PRPF6: variants seen among roughly 807,000 people sequenced by gnomAD.
PRPF6 encodes the protein pre-mRNA processing factor 6.
In PRPF6, 42 loss-of-function variants were observed where a neutral mutation model predicts 118.3. The observed-to-expected ratio is 0.35, with a 90% CI of 0.28 to 0.46. The LOEUF (loss-of-function observed/expected upper bound fraction) is 0.46. Ranked by LOEUF, PRPF6 falls within the 20% of genes least tolerant of loss-of-function variation. The probability of loss-of-function intolerance (pLI) is 1.00; values close to 1 mark genes in which losing one functional copy is unlikely to be tolerated. For missense variants in PRPF6, 662 were observed against 1,255.7 expected, an observed-to-expected ratio of 0.53 and a Z score of 7.15; for synonymous variants, 481 against 485.1, an observed-to-expected ratio of 0.99 and a Z score of 0.11.
intron 12 of PRPF6, among the ~76,000 whole-genome samples, chr20:64,022,441 G>A (rs752088427): frequency 1.3e-5 from 2 of 152,126 alleles, no homozygotes; most frequent in Non-Finnish European, 2.9e-5. Flanking sequence ...CCGAATAGCC[G>A]GGATTACAGG....
Position 64,029,544 on chromosome 20 carries a change from T to C in PRPF6, c.2546+53T>C, listed in dbSNP as rs1398082720. Reference sequence around the variant, plus strand: ...AACCTCGGGGTCCTAATGGGCTCTTTTTCCAGAGTCTGTCTGCCTCTTCCT... The same window carrying C: ...AACCTCGGGGTCCTAATGGGCTCTTCTTCCAGAGTCTGTCTGCCTCTTCCT... On this transcript the variant is annotated intron_variant, in intron 19 of 20. Coordinates refer to ENST00000266079, the MANE Select transcript of PRPF6 (RefSeq NM_012469.4). This position sits in a 1 kb window ranked among gnomAD's most constrained non-coding sequence, Gnocchi z 4.8. 19 of 1,450,472 alleles carry C rather than the reference T, an allele frequency of 1.3e-5. No individual in the cohort carries two copies. Among genetic ancestry groups the C allele is most frequent in the Non-Finnish European group, 1.7e-5 (18 of 1,032,982 alleles). The allele number at this position is 1,450,472 out of a possible 1,614,324, so 89.9% of individuals were successfully genotyped here. A position where few individuals can be genotyped will look rare whatever the true frequency, so the allele number is the denominator to read the frequency against.
intron 8 of PRPF6, among the ~76,000 whole-genome samples, 196 bp downstream of exon 8, chr20:63,999,955 CTT>C (rs35446612): frequency 6.9e-6 from 1 of 145,800 alleles, no homozygotes; most frequent in Non-Finnish European, 1.5e-5. Context: ...TAATCCACCA[CTT>C]TTTTTTTTTT....
intron 14 of PRPF6, among the ~76,000 whole-genome samples, 159 bp downstream of exon 14, chr20:64,024,852 G>A (rs569770277): frequency 6.6e-6 from 1 of 152,292 alleles, no homozygotes; most frequent in South Asian, 2.1e-4. Context: ...GGGCCGTGAA[G>A]GGGCCCGAGA....
intron 3 of PRPF6, among the ~76,000 whole-genome samples, chr20:63,986,346 A>G (rs1214306957): frequency 7.7e-6 from 1 of 129,988 alleles, no homozygotes; most frequent in African/African-American, 3.3e-5. Flanking sequence ...ACTCCATCTC[A>G]AAAAAAAAAA....
At chr20:64,020,084 CACTT>C (rs1325254629) in intron 12 of PRPF6, among the ~76,000 whole-genome samples, 1 of 152,182 alleles carries the variant, frequency 6.6e-6, no homozygotes, top group African/African-American at 2.4e-5. Context: ...GGTGGCCTCT[CACTT>C]ACCTTCAGCA....
intron 9 of PRPF6, among the ~76,000 whole-genome samples, chr20:64,006,397 A>T (rs188283440): frequency 6.7e-6 from 1 of 149,498 alleles, no homozygotes; most frequent in African/African-American, 2.5e-5. Context: ...GCTCACTGCA[A>T]CCTCCGCCTC....
At position 63,995,046 on chromosome 20, in the gene PRPF6, A is replaced by G. The variant is rs771205248; in HGVS notation, c.569A>G (p.His190Arg). 1.2e-6 allele frequency: 2 copies of G among 1,614,190 alleles called. No individual in the cohort carries two copies. The highest frequency in any genetic ancestry group is 1.7e-6 in the Non-Finnish European group (2 of 1,180,034). ...TPVPDSFFAK[H>R]LQTGENHTSV... ...GTTCCTGACAGTTTCTTTGCCAAAC[A>G]TTTACAGACCGGAGAGAACCATACC... The change falls in exon 5 of 21, where the codon CAT becomes CGT. Residue 190 changes from histidine (H) to arginine (R), a missense_variant. This residue lies in a region of PRPF6 where 97 missense variants were observed against 122.6 expected (regional missense o/e 0.79). Transcript: ENST00000266079.
chr20:63,992,645 G>A (rs902175980), intron 3 of PRPF6, among the ~76,000 whole-genome samples: 4 of 151,952 alleles, frequency 2.6e-5, no homozygotes, highest in Admixed American at 1.3e-4. Context: ...GAGGTATTTA[G>A]ATCAAAGTAA....
intron 12 of PRPF6, among the ~76,000 whole-genome samples, chr20:64,021,548 CTGTGTGTGTGTGTCTG>C (rs1269654524): frequency 7.1e-6 from 1 of 140,876 alleles, no homozygotes; most frequent in Non-Finnish European, 1.5e-5. Context: ...AGCCCCGTGT[CTGTGTGTGTGTGTCTG>C]TGTGTGTGTG....
intron 11 of PRPF6, among the ~76,000 whole-genome samples, chr20:64,016,382 C>T (rs1474053066): frequency 6.6e-6 from 1 of 152,078 alleles, no homozygotes; most frequent in Non-Finnish European, 1.5e-5. Context: ...CCTCGACCTC[C>T]CAAAGTGCTG....
intron 3 of PRPF6, among the ~76,000 whole-genome samples, chr20:63,986,223 T>A (rs1373220635): frequency 2.7e-5 from 4 of 150,368 alleles, no homozygotes; most frequent in African/African-American, 9.8e-5. Flanking sequence ...TGTACGCCTA[T>A]AATCCCAGCT....
chr20:64,008,425 T>C (rs539125021), intron 9 of PRPF6, among the ~76,000 whole-genome samples: 1 of 152,240 alleles, frequency 6.6e-6, no homozygotes, highest in Admixed American at 6.5e-5. Context: ...TTGTGTTTTT[T>C]TTTTCTTTTT....
chr20:64,020,018 G>C (rs1410297101), intron 12 of PRPF6, among the ~76,000 whole-genome samples: 1 of 152,220 alleles, frequency 6.6e-6, no homozygotes, highest in Non-Finnish European at 1.5e-5. Flanking sequence ...TGCCAGTCCA[G>C]ATCTTTGCCA....
chr20:63,989,319 G>A lies in PRPF6; in HGVS notation c.360-4088G>A, dbSNP rs187832367. The stretch of plus-strand genomic sequence containing the variant: ...TCTACAGGACATTGGACTAGGCAAA[G>A]ATTTCTTGAGTAATACCCCACAAGC... On this transcript the variant is annotated intron_variant, in intron 3 of 20. Transcript: ENST00000266079. Among the ~76,000 whole-genome samples, 3 of 152,224 alleles carry A rather than the reference G, an allele frequency of 2.0e-5. No individual in the cohort carries two copies. In the East Asian group the frequency reaches 5.8e-4, roughly 29 times the overall value.
chr20:64,025,128 A>T (rs1343216881), intron 14 of PRPF6, among the ~76,000 whole-genome samples: 11 of 152,318 alleles, frequency 7.2e-5, no homozygotes, highest in African/African-American at 2.4e-4. Context: ...AATAAGCTAT[A>T]GAATGCTATA....
At chr20:63,993,361 G>T (rs1447123192) in intron 3 of PRPF6, 46 bp from the exon 4 acceptor site, 2 of 1,475,394 alleles carry the variant, frequency 1.4e-6, no homozygotes, top group Non-Finnish European at 1.9e-6. Context: ...ATTTGCTTCA[G>T]AACAGACATG....
In PRPF6 at chr20:63,999,592, C is replaced by T. The variant is rs2059157234; in HGVS notation, c.867-11C>T. The T allele has an allele frequency of 1.2e-6, 2 of 1,613,840 alleles. No homozygotes were observed. Among genetic ancestry groups the T allele is most frequent in the South Asian group, 1.1e-5 (1 of 91,082 alleles). ...CATGGCCTGATGCCGTGTGCACTCT[C>T]CCTCTCATAGTGATATCAAGAAGGC... On this transcript the variant is annotated splice_polypyrimidine_tract_variant and intron_variant, in intron 7 of 20. Transcript: ENST00000266079.
chr20:64,009,237 C>T (rs898508439), intron 9 of PRPF6, among the ~76,000 whole-genome samples: 45 of 138,808 alleles, frequency 3.2e-4, no homozygotes, highest in Non-Finnish European at 1.1e-4. Context: ...GCCGAGATCA[C>T]GCCACTGCAC....
At chr20:63,992,030 T>C (rs1009657147) in intron 3 of PRPF6, among the ~76,000 whole-genome samples, 1 of 152,136 alleles carries the variant, frequency 6.6e-6, no homozygotes, top group Non-Finnish European at 1.5e-5. Context: ...ATGAGTTCAG[T>C]AGAGTGTTTG....
Sources: gnomAD v4.1 joint callset for allele counts (sites outside exome capture counted in the v4.1 genomes callset) on GRCh38, gnomAD v4.1.1 for gene constraint, gnomAD v4.1.1 regional missense constraint, Gnocchi (gnomAD v3.1) non-coding constraint, MANE v1.5 for transcripts, NCBI Gene and HGNC (gene_info 2026-07-23, HGNC 2026-07-21) for gene names.